CNTNAP2: variants seen among roughly 807,000 people sequenced by gnomAD.
CNTNAP2 encodes contactin associated protein 2, also known as contactin-associated protein-like 2.
CNTNAP2 carries 98 observed loss-of-function variants against 155.2 expected under a neutral mutation model. The ratio of observed to expected loss-of-function variants is 0.63; its 90% confidence interval spans 0.54 to 0.75. The LOEUF (loss-of-function observed/expected upper bound fraction) is 0.75. Ranked by LOEUF, CNTNAP2 falls within the 30% of genes least tolerant of loss-of-function variation. The pLI, the probability that CNTNAP2 is intolerant of heterozygous loss-of-function variation, is 0.00. For synonymous variants in CNTNAP2, 651 were observed against 631.2 expected (o/e 1.03, Z -0.47); for missense variants, 1,727 against 1,688.1 (o/e 1.02, Z -0.40).
intron 3 of CNTNAP2, among the ~76,000 whole-genome samples, chr7:146,933,133 A>T (rs1345148938): frequency 1.3e-5 from 2 of 152,016 alleles, no homozygotes; most frequent in Non-Finnish European, 2.9e-5. Flanking sequence ...TCGCCAAGTC[A>T]ATCCTAAGCC....
intron 3 of CNTNAP2, among the ~76,000 whole-genome samples, chr7:146,967,128 C>T (rs1797674128): frequency 6.6e-6 from 1 of 151,806 alleles, no homozygotes; most frequent in African/African-American, 2.4e-5. Context: ...TTACATTGGA[C>T]CTCATTTAAT....
intron 9 of CNTNAP2, among the ~76,000 whole-genome samples, chr7:147,329,145 C>A (rs908666458): frequency 6.6e-6 from 1 of 150,626 alleles, no homozygotes; most frequent in Non-Finnish European, 1.5e-5. Context: ...AGCACCCCCC[C>A]ACACACACAC....
chr7:147,328,394 G>A (rs34119518), intron 9 of CNTNAP2, among the ~76,000 whole-genome samples: 26,035 of 152,126 alleles, frequency 0.17, 2,847 homozygotes, highest in Non-Finnish European at 0.24. Context: ...CAGTACATTT[G>A]TTTGAGTGTC....
chr7:147,730,886 C>T (rs1796727288), intron 13 of CNTNAP2, among the ~76,000 whole-genome samples: 1 of 152,056 alleles, frequency 6.6e-6, no homozygotes, highest in Admixed American at 6.6e-5. Context: ...AAAAGTGAAA[C>T]AGCTTTATTG....
In CNTNAP2 at chr7:146,229,295, TGTTTGTCCTTTTAA is replaced by T. The variant is rs1318235140; in HGVS notation, c.97+112324_97+112337del. Among the ~76,000 whole-genome samples the T allele has an allele frequency of 3.3e-5, 5 of 152,184 alleles. No homozygotes were observed. In the South Asian group the frequency reaches 8.3e-4, roughly 25 times the overall value. On this transcript the variant is annotated intron_variant, in intron 1 of 23. Transcript: ENST00000361727. ...ATTCTGTTTCAGTGGTATACAAACT[TGTTTGTCCTTTTAA>T]GCCATGAAACTTTTTCTTTAAACAA...
chr7:146,768,906 A>G (rs899300956), intron 1 of CNTNAP2, among the ~76,000 whole-genome samples: 1 of 152,192 alleles, frequency 6.6e-6, no homozygotes, highest in Non-Finnish European at 1.5e-5. Context: ...TTTTGTGTCA[A>G]TTACGTATAT....
At chr7:146,913,716 T>C (rs1358341724) in intron 3 of CNTNAP2, among the ~76,000 whole-genome samples, 2 of 152,046 alleles carry the variant, frequency 1.3e-5, no homozygotes, top group East Asian at 1.9e-4. Flanking sequence ...GCCCCTCTCC[T>C]AATGGCGTCA....
chr7:147,612,681 G>A (rs1414696394), intron 12 of CNTNAP2, among the ~76,000 whole-genome samples: 4 of 151,998 alleles, frequency 2.6e-5, no homozygotes, highest in Non-Finnish European at 2.9e-5. Context: ...AATTACAGGC[G>A]TGATCCACCA....
chr7:147,160,645 T>A (rs551462893), intron 8 of CNTNAP2, among the ~76,000 whole-genome samples: 1 of 152,238 alleles, frequency 6.6e-6, no homozygotes, highest in Admixed American at 6.5e-5. Flanking sequence ...AATTGTAATA[T>A]GATGTGTTAA....
intron 3 of CNTNAP2, among the ~76,000 whole-genome samples, chr7:146,975,650 G>C (rs1041397607): frequency 1.3e-5 from 2 of 152,060 alleles, no homozygotes; most frequent in African/African-American, 4.8e-5. Context: ...TAGACACACA[G>C]ACAATAACAG....
chr7:147,525,656 G>T (rs983548191), intron 11 of CNTNAP2, among the ~76,000 whole-genome samples: 10 of 152,166 alleles, frequency 6.6e-5, no homozygotes, highest in Non-Finnish European at 1.5e-4. Flanking sequence ...GTGATTTAAT[G>T]GATTTAATGG....
At chr7:146,679,347 CTTT>C (rs34541415) in intron 1 of CNTNAP2, among the ~76,000 whole-genome samples, 23 of 106,966 alleles carry the variant, frequency 2.2e-4, no homozygotes, top group African/African-American at 8.2e-4. Flanking sequence ...GATCTTGTTT[CTTT>C]TTTTTTTTTT....
chr7:148,169,491 A>C (rs149554741), intron 17 of CNTNAP2, among the ~76,000 whole-genome samples: 82 of 152,378 alleles, frequency 5.4e-4, no homozygotes, highest in Non-Finnish European at 1.1e-3. Context: ...CTGGACGACA[A>C]GTGTGCAAAG....
At chr7:147,712,658 A>G (rs565251800) in intron 13 of CNTNAP2, among the ~76,000 whole-genome samples, 87 of 152,126 alleles carry the variant, frequency 5.7e-4, no homozygotes, top group African/African-American at 2.0e-3. Flanking sequence ...AAAACCAAAC[A>G]CCGCATGTTC....
chr7:147,169,004 G>A (rs188035270), intron 8 of CNTNAP2, among the ~76,000 whole-genome samples: 1 of 152,192 alleles, frequency 6.6e-6, no homozygotes, highest in East Asian at 1.9e-4. Context: ...ACAATGCAAA[G>A]CACTTCGTTC....
intron 1 of CNTNAP2, among the ~76,000 whole-genome samples, chr7:146,424,689 G>A (rs897112472): frequency 6.6e-6 from 1 of 151,170 alleles, no homozygotes; most frequent in African/African-American, 2.4e-5. Flanking sequence ...GTTACTGAAT[G>A]CCAGTCAAGC....
In CNTNAP2 at chr7:146,747,406, C is replaced by T. The variant is rs138630038; in HGVS notation, c.98-26865C>T. On this transcript the variant is annotated intron_variant, in intron 1 of 23. Coordinates refer to ENST00000361727, the MANE Select transcript of CNTNAP2 (RefSeq NM_014141.6). ...ATCTCTGTGTACATGTGCTTTACTA[C>T]GGAAAGAATTTGAAATAAGTTGATT... 8.5e-3 allele frequency among the ~76,000 whole-genome samples: 1,287 copies of T among 152,140 alleles called. 22 individuals carry two copies. Among genetic ancestry groups the T allele is most frequent in the African/African-American group, 0.029 (1,197 of 41,528 alleles).
chr7:146,589,279 G>A (rs1049943327), intron 1 of CNTNAP2, among the ~76,000 whole-genome samples: 1 of 152,108 alleles, frequency 6.6e-6, no homozygotes, highest in Non-Finnish European at 1.5e-5. Context: ...TAAAAAACAA[G>A]CCTCAAAGAC....
rs567929839 is a variant in CNTNAP2, at chr7:147,144,281, G to A, written c.1348+11772G>A. ...CATAAACTTTAGAGTAACTTTATAC[G>A]AGACATTACGTGTGGACACGGAGAA... On this transcript the variant is annotated intron_variant, in intron 8 of 23. Coordinates refer to ENST00000361727, the MANE Select transcript of CNTNAP2 (RefSeq NM_014141.6). 1.7e-3 allele frequency among the ~76,000 whole-genome samples: 261 copies of A among 152,198 alleles called. 1 individual carries two copies. The highest frequency in any genetic ancestry group is 1.8e-3 in the Non-Finnish European group (120 of 67,996).
Sources: gnomAD v4.1 joint callset for allele counts (sites outside exome capture counted in the v4.1 genomes callset) on GRCh38, gnomAD v4.1.1 for gene constraint, MANE v1.5 for transcripts, NCBI Gene and HGNC (gene_info 2026-07-23, HGNC 2026-07-21) for gene names.